AGMO: variants seen among roughly 807,000 people sequenced by gnomAD.
AGMO encodes the protein glyceryl-ether monooxygenase.
Under a neutral mutation model 60.2 loss-of-function variants are expected in AGMO, and 75 were observed. The ratio of observed to expected loss-of-function variants is 1.25; its 90% confidence interval spans 1.03 to 1.51. AGMO has a LOEUF of 1.51. AGMO is among the 40% of genes most tolerant of loss of function. The probability of loss-of-function intolerance (pLI) is 0.00; values close to 1 mark genes in which losing one functional copy is unlikely to be tolerated. For synonymous variants in AGMO, 261 were observed against 177.1 expected, an observed-to-expected ratio of 1.47 and a Z score of -3.76; for missense variants, 763 against 525.5, an observed-to-expected ratio of 1.45 and a Z score of -4.42.
intron 12 of AGMO, among the ~76,000 whole-genome samples, chr7:15,206,545 A>C (rs1386125906): frequency 6.6e-6 from 1 of 152,142 alleles, no homozygotes; most frequent in Admixed American, 6.5e-5. Flanking sequence ...TAAATCAAAC[A>C]GTATTACATT....
intron 8 of AGMO, among the ~76,000 whole-genome samples, chr7:15,390,452 T>C (rs577642577): frequency 1.1e-4 from 17 of 152,318 alleles, no homozygotes; most frequent in African/African-American, 3.4e-4. Flanking sequence ...TTCTAGGCCA[T>C]AGACATATTT....
At chr7:15,185,584 G>A in the AGMO span, among the ~76,000 whole-genome samples, 201 of 152,212 alleles carry the variant, frequency 1.3e-3, 1 homozygote, top group African/African-American at 4.2e-3. Context: ...ACTGCCAGTC[G>A]GCATCCCAAG....
intron 12 of AGMO, among the ~76,000 whole-genome samples, chr7:15,269,041 GAT>G (rs1783518577): frequency 6.6e-6 from 1 of 152,060 alleles, no homozygotes. Context: ...TAAAGGAACA[GAT>G]AATAAAGAAT....
intron 10 of AGMO, among the ~76,000 whole-genome samples, chr7:15,367,229 T>C (rs537008452): frequency 6.6e-6 from 1 of 150,996 alleles, no homozygotes; most frequent in Non-Finnish European, 1.5e-5. Context: ...TTTATCCTAA[T>C]GTACTGGAAA....
At chr7:15,287,460 T>C (rs1784129944) in intron 12 of AGMO, among the ~76,000 whole-genome samples, 1 of 152,218 alleles carries the variant, frequency 6.6e-6, no homozygotes, top group Non-Finnish European at 1.5e-5. Flanking sequence ...TACTCTGAAC[T>C]TCTCTATTTG....
chr7:15,522,331 C>T (rs577401348), intron 3 of AGMO, among the ~76,000 whole-genome samples: 13 of 152,006 alleles, frequency 8.6e-5, no homozygotes, highest in Admixed American at 2.6e-4. Context: ...ACTTTCTTCA[C>T]AGAATTAGAA....
At chr7:15,218,465 T>C (rs975305780) in intron 12 of AGMO, among the ~76,000 whole-genome samples, 3 of 151,898 alleles carry the variant, frequency 2.0e-5, no homozygotes, top group South Asian at 2.1e-4. Flanking sequence ...TTAGTTCACA[T>C]AGTGATTGCA....
the AGMO span, among the ~76,000 whole-genome samples, chr7:15,157,925 C>G: frequency 6.6e-6 from 1 of 152,220 alleles, no homozygotes; most frequent in African/African-American, 2.4e-5. Flanking sequence ...CTTGTGAGTG[C>G]TAGTTGAAAT....
At chr7:15,269,796 A>C (rs1783542780) in intron 12 of AGMO, among the ~76,000 whole-genome samples, 2 of 152,028 alleles carry the variant, frequency 1.3e-5, no homozygotes, top group Admixed American at 1.3e-4. Context: ...AGTATCTATT[A>C]TTTCCATCTT....
intron 5 of AGMO, among the ~76,000 whole-genome samples, chr7:15,417,479 C>A (rs1780805048): frequency 6.6e-6 from 1 of 152,124 alleles, no homozygotes; most frequent in Admixed American, 6.6e-5. Flanking sequence ...TCTCCCTTAA[C>A]CCCTCCATGT....
At chr7:15,295,131 T>C (rs966444607) in intron 12 of AGMO, among the ~76,000 whole-genome samples, 5 of 151,776 alleles carry the variant, frequency 3.3e-5, no homozygotes, top group African/African-American at 7.3e-5. Context: ...AATATACATA[T>C]AAAATTAATA....
At position 15,281,842 on chromosome 7, in the gene AGMO, C is replaced by T. The variant is rs541619028; in HGVS notation, c.1264-80483G>A. Among the ~76,000 whole-genome samples, 4 of 152,228 alleles carry T rather than the reference C, an allele frequency of 2.6e-5. No homozygotes were observed. The South Asian group carries it at 6.2e-4, about 24-fold the overall frequency. On this transcript the variant is annotated intron_variant, in intron 12 of 12. Transcript: ENST00000342526. ...CACCACAAGAGAATGAGATAAGCCT[C>T]AAGAAACTTCTGCCATTCCAACCTC...
chr7:15,192,711 A>T, the AGMO span, among the ~76,000 whole-genome samples: 5 of 152,146 alleles, frequency 3.3e-5, no homozygotes. Context: ...ACACACCCTT[A>T]GACGCTACTG....
intron 12 of AGMO, among the ~76,000 whole-genome samples, chr7:15,244,674 A>G (rs765950522): frequency 6.6e-6 from 1 of 151,998 alleles, no homozygotes; most frequent in Non-Finnish European, 1.5e-5. Flanking sequence ...TTGGAGACAG[A>G]GTCGTCTCGC....
At chr7:15,548,396 G>T (rs920344502) in intron 2 of AGMO, among the ~76,000 whole-genome samples, 5 of 151,452 alleles carry the variant, frequency 3.3e-5, no homozygotes, top group Non-Finnish European at 5.9e-5. Flanking sequence ...CAAACCAAAG[G>T]CAAAGAAGTT....
chr7:15,168,612 G>A, the AGMO span, among the ~76,000 whole-genome samples: 2 of 152,114 alleles, frequency 1.3e-5, no homozygotes, highest in Non-Finnish European at 2.9e-5. Flanking sequence ...AATAACATAC[G>A]AGAAAGAAAG....
At chr7:15,452,336 T>C (rs751546163) in intron 3 of AGMO, among the ~76,000 whole-genome samples, 2 of 152,046 alleles carry the variant, frequency 1.3e-5, no homozygotes, top group Non-Finnish European at 2.9e-5. Flanking sequence ...AAATAAAATA[T>C]CTGATAAAGG....
chr7:15,222,269 G>C (rs569980579), intron 12 of AGMO, among the ~76,000 whole-genome samples: 1 of 152,106 alleles, frequency 6.6e-6, no homozygotes, highest in Admixed American at 6.6e-5. Context: ...AATAATTGGT[G>C]ATTTATTTAA....
intron 3 of AGMO, among the ~76,000 whole-genome samples, chr7:15,518,611 G>A (rs1275792971): frequency 6.6e-6 from 1 of 152,034 alleles, no homozygotes. Flanking sequence ...TAACAAACAA[G>A]AAGCAGTAGC....
Sources: allele counts gnomAD v4.1 joint callset (sites outside exome capture counted in the v4.1 genomes callset), GRCh38; gene constraint gnomAD v4.1.1; transcripts MANE v1.5; gene names NCBI Gene and HGNC (gene_info 2026-07-23, HGNC 2026-07-21).